RNF213: variants seen among roughly 807,000 people sequenced by gnomAD.
The protein encoded by RNF213 is ring finger protein 213.
Under a neutral mutation model 514.4 loss-of-function variants are expected in RNF213, and 341 were observed. The observed-to-expected ratio is 0.66, with a 90% CI of 0.61 to 0.73. RNF213 has a LOEUF of 0.73. Among genes scored for constraint, RNF213 ranks in the 30% least tolerant of loss-of-function variants. The pLI is 0.00. For missense variants in RNF213, 5,767 were observed against 6,615.6 expected (o/e 0.87, Z 4.45); for synonymous variants, 2,655 against 2,658.2 (o/e 1.00, Z 0.04).
chr17:80,372,904 G>C, intron 48 of RNF213, 71 bp from the exon 49 acceptor site: 1 of 1,509,094 alleles, frequency 6.6e-7, no homozygotes, highest in Non-Finnish European at 9.1e-7. Flanking sequence ...ATGCCCTCTG[G>C]TTGGCCTTGT....
intron 11 of RNF213, among the ~76,000 whole-genome samples, chr17:80,305,256 G>A (rs1337426858): frequency 5.5e-5 from 8 of 144,914 alleles, no homozygotes; most frequent in East Asian, 2.0e-4. Flanking sequence ...TTGGCTCACC[G>A]CAACCTCTGC....
chr17:80,336,390 T>G lies in RNF213; in HGVS notation c.4527+12T>G. Reference sequence around the variant, plus strand: ...TGCCCAGGAAACTGGTGAGTCTTATTCTGTCTCTAATGCAGATTTTGTTGA... The same window carrying G: ...TGCCCAGGAAACTGGTGAGTCTTATGCTGTCTCTAATGCAGATTTTGTTGA... On this transcript the variant is annotated intron_variant, in intron 23 of 67. Transcript: ENST00000582970. The G allele has an allele frequency of 1.3e-6, 2 of 1,536,552 alleles. No homozygotes were observed. The highest frequency in any genetic ancestry group is 1.7e-6 in the Non-Finnish European group (2 of 1,146,264).
At position 80,377,847 on chromosome 17, in the gene RNF213, G is replaced by A; in HGVS notation, c.13545+51G>A. 6.2e-7 allele frequency: 1 copy of A among 1,600,104 alleles called. No individual in the cohort carries two copies. Among genetic ancestry groups the A allele is most frequent in the Non-Finnish European group, 8.6e-7 (1 of 1,167,344 alleles). ...TTTGAGGGGTGGCGTGCACTCCTGG[G>A]TTGGAGGAGGGGGATCGTGGGTCAG... On this transcript the variant is annotated intron_variant, in intron 54 of 67. Coordinates refer to ENST00000582970, the MANE Select transcript of RNF213 (RefSeq NM_001256071.3). This position sits in a 1 kb window ranked among gnomAD's most constrained non-coding sequence, Gnocchi z 4.1.
intron 63 of RNF213, among the ~76,000 whole-genome samples, chr17:80,387,312 G>T (rs2080276868): frequency 6.6e-6 from 1 of 152,192 alleles, no homozygotes; most frequent in Non-Finnish European, 1.5e-5. Flanking sequence ...TCACCACGTT[G>T]CCCGGCTGGT....
At chr17:80,261,404 C>G (rs1182246810) in intron 1 of RNF213, among the ~76,000 whole-genome samples, 1 of 152,232 alleles carries the variant, frequency 6.6e-6, no homozygotes, top group Non-Finnish European at 1.5e-5. Flanking sequence ...GTCCTTCCGA[C>G]TTGGCGAAGT....
Position 80,319,459 on chromosome 17 carries a change from G to T in RNF213, c.3024+147G>T, listed in dbSNP as rs776374993. On this transcript the variant is annotated intron_variant, in intron 17 of 67. Coordinates refer to ENST00000582970, the MANE Select transcript of RNF213 (RefSeq NM_001256071.3). ...AGTGGGCACCCTCCTCCCTCGCCAA[G>T]GGCAATGGCGCTGAAATCTAGTTCT... is the stretch of plus-strand genomic sequence containing the variant. The T allele has an allele frequency of 1.9e-6, 3 of 1,614,182 alleles. No individual in the cohort carries two copies. In the Admixed American group the frequency reaches 5.0e-5, roughly 27 times the overall value.
At chr17:80,356,336 G>A (rs1163605418) in intron 36 of RNF213, among the ~76,000 whole-genome samples, 1 of 151,972 alleles carries the variant, frequency 6.6e-6, no homozygotes, top group African/African-American at 2.4e-5. Flanking sequence ...TCCACTCCCC[G>A]GGACCAGCCC....
At chr17:80,369,041 T>C (rs1011942547) in intron 44 of RNF213, among the ~76,000 whole-genome samples, 2 of 152,184 alleles carry the variant, frequency 1.3e-5, no homozygotes, top group Non-Finnish European at 2.9e-5. Flanking sequence ...GTAAATATCA[T>C]CTGCTGAGGT....
intron 3 of RNF213, among the ~76,000 whole-genome samples, chr17:80,282,819 T>G (rs573504573): frequency 6.6e-6 from 1 of 152,250 alleles, no homozygotes; most frequent in African/African-American, 2.4e-5. Context: ...TGCCTCAGCC[T>G]CTAGAGTAGC....
At position 80,396,555 on chromosome 17, in the gene RNF213, G is replaced by A. The variant is rs2080665086; in HGVS notation, c.*3057G>A. 1 of 152,212 alleles carries A rather than the reference G, an allele frequency of 6.6e-6. No individual in the cohort carries two copies. Among genetic ancestry groups the A allele is most frequent in the African/African-American group, 2.4e-5 (1 of 41,448 alleles). The allele number at this position is 152,212 out of a possible 1,614,324, so 9.4% of individuals were successfully genotyped here. On this transcript the variant is annotated 3_prime_UTR_variant, in exon 68 of 68. Transcript: ENST00000582970. ...CATAAAGTGTGAAGGTTGCATAACT[G>A]GGGAGGTGGCTGGAGAAAACCTGAG...
chr17:80,386,667 A>C (rs377491561), intron 62 of RNF213, 23 bp from the exon 63 acceptor site: 1 of 1,613,118 alleles, frequency 6.2e-7, no homozygotes, highest in African/African-American at 1.3e-5. Flanking sequence ...CTGGACGCTG[A>C]GCGCTGTCTT....
At chr17:80,292,964 G>A (rs1253023307) in intron 8 of RNF213, among the ~76,000 whole-genome samples, 1 of 152,126 alleles carries the variant, frequency 6.6e-6, no homozygotes, top group African/African-American at 2.4e-5. Context: ...AGATACAGAA[G>A]AATGTAAATT....
intron 49 of RNF213, 21 bp downstream of exon 49, chr17:80,373,186 G>A: frequency 1.2e-6 from 2 of 1,600,140 alleles, no homozygotes; most frequent in African/African-American, 1.3e-5. Flanking sequence ...GGGCCGGGCA[G>A]CACACAAACA....
At chr17:80,371,631 TTAAGAC>T (rs1391285592) in intron 46 of RNF213, 5 of 355,278 alleles carry the variant, frequency 1.4e-5, no homozygotes, top group Non-Finnish European at 2.6e-5. Context: ...TTCTCAATTT[TTAAGAC>T]TATAAAGGGG....
chr17:80,345,277 C>T lies in RNF213; in HGVS notation c.6942C>T (p.Thr2314=). 1 of 1,614,140 alleles carries T rather than the reference C, an allele frequency of 6.2e-7. No homozygotes were observed. Among genetic ancestry groups the T allele is most frequent in the Non-Finnish European group, 8.5e-7 (1 of 1,180,040 alleles). ...PYVFFNDDHT[T]MTFIGFHLQP... ...TTTTCTTCAATGACGACCACACAACCATGACATTCATCGGCTTCCATCTGC... is the reference window on the plus strand; with the variant it reads ...TTTTCTTCAATGACGACCACACAACTATGACATTCATCGGCTTCCATCTGC... The change falls in exon 29 of 68, where the codon ACC becomes ACT. Residue 2314 remains threonine, a synonymous_variant. Transcript: ENST00000582970. This position sits in a 1 kb window ranked among gnomAD's most constrained non-coding sequence, Gnocchi z 6.0.
In RNF213 at chr17:80,355,385, G is replaced by C. The variant is rs181621818; in HGVS notation, c.10862+809G>C. 1.2e-3 allele frequency: 407 copies of C among 340,442 alleles called. 16 individuals are homozygous for C. Among genetic ancestry groups the C allele is most frequent in the African/African-American group, 7.6e-3 (331 of 43,708 alleles). The allele number at this position is 340,442 out of a possible 1,614,324, so 21.1% of individuals were successfully genotyped here. ...ACGGGAATGGGAGCTTACAGGGGAA[G>C]AAGCGGGGTGAATGGGAATGGGGGC... is the stretch of plus-strand genomic sequence containing the variant. On this transcript the variant is annotated intron_variant, in intron 36 of 67. Transcript: ENST00000582970.
intron 8 of RNF213, chr17:80,292,050 A>G: frequency 3.3e-6 from 2 of 609,892 alleles, no homozygotes; most frequent in Non-Finnish European, 5.9e-6. Flanking sequence ...GCTCAGTGTG[A>G]CTTACCTACT....
At chr17:80,329,057 A>G (rs899666615) in intron 20 of RNF213, among the ~76,000 whole-genome samples, 4 of 152,218 alleles carry the variant, frequency 2.6e-5, no homozygotes, top group African/African-American at 9.6e-5. Flanking sequence ...CTTGAAGATC[A>G]TTGGTTTGAC....
chr17:80,350,727 A>G (rs920076067), intron 31 of RNF213, among the ~76,000 whole-genome samples: 5 of 152,242 alleles, frequency 3.3e-5, no homozygotes, highest in Non-Finnish European at 7.3e-5. Context: ...TGAGCCTGGG[A>G]GGTCAAGGCT....
Sources: allele counts gnomAD v4.1 joint callset (sites outside exome capture counted in the v4.1 genomes callset), GRCh38; gene constraint gnomAD v4.1.1; non-coding constraint Gnocchi (gnomAD v3.1); transcripts MANE v1.5; gene names NCBI Gene and HGNC (gene_info 2026-07-23, HGNC 2026-07-21).